SYT7: variants seen among roughly 807,000 people sequenced by gnomAD.
SYT7 encodes the protein synaptotagmin 7.
In SYT7, 29 loss-of-function variants were observed where a neutral mutation model predicts 75.1. That is an observed-to-expected ratio of 0.39 (90% CI 0.29 to 0.53). The LOEUF (loss-of-function observed/expected upper bound fraction) is 0.53, where lower values mean the gene tolerates loss of function less well. SYT7 is among the 20% of genes least tolerant of loss of function. The probability of loss-of-function intolerance (pLI) is 0.77; values close to 1 mark genes in which losing one functional copy is unlikely to be tolerated. For missense variants in SYT7, 693 were observed against 953.2 expected (o/e 0.73, Z 3.59); for synonymous variants, 376 against 401.7 (o/e 0.94, Z 0.76).
chr11:61,535,312 C>A (rs997160739), intron 7 of SYT7, among the ~76,000 whole-genome samples: 1 of 152,218 alleles, frequency 6.6e-6, no homozygotes, highest in Non-Finnish European at 1.5e-5. Context: ...GGGGGACACA[C>A]ACCGTGACAG....
At chr11:61,548,638 G>C (rs1365353391) in intron 3 of SYT7, among the ~76,000 whole-genome samples, 2 of 152,110 alleles carry the variant, frequency 1.3e-5, no homozygotes, top group Non-Finnish European at 2.9e-5. Flanking sequence ...AGCCAAGGTG[G>C]GGCAGTGTGG....
chr11:61,563,022 A>T (rs1183892913), intron 1 of SYT7, among the ~76,000 whole-genome samples: 1 of 152,100 alleles, frequency 6.6e-6, no homozygotes, highest in East Asian at 1.9e-4. Flanking sequence ...GCACATGCAC[A>T]CAGGCCACAG....
chr11:61,546,687 G>A lies in SYT7; in HGVS notation c.348-432C>T, dbSNP rs1458212570. On this transcript the variant is annotated intron_variant, in intron 4 of 12. Transcript: ENST00000539008. This position sits in a 1 kb window ranked among gnomAD's most constrained non-coding sequence, Gnocchi z 7.6. The stretch of plus-strand genomic sequence containing the variant: ...GTCCAGGCCAGGAGGCCCCAAGGCA[G>A]GGAGAAAGAGAAAGCCGTGTTAGTC... The A allele has an allele frequency of 2.2e-6, 1 of 460,136 alleles. No homozygotes were observed. 28.5% of individuals were successfully genotyped at this position (460,136 alleles called of 1,614,324 possible). A position where few individuals can be genotyped will look rare whatever the true frequency, so the allele number is the denominator to read the frequency against.
At chr11:61,534,014 T>C (rs1443752503) in intron 7 of SYT7, among the ~76,000 whole-genome samples, 1 of 151,460 alleles carries the variant, frequency 6.6e-6, no homozygotes, top group Non-Finnish European at 1.5e-5. Context: ...TTTGACCCAA[T>C]GGCTGGGTGG....
At chr11:61,531,050 T>C in intron 8 of SYT7, 1 of 985,414 alleles carries the variant, frequency 1.0e-6, no homozygotes. Context: ...CAGCTCTGGG[T>C]GCTTAACTCT....
rs748347825 is a variant in SYT7, at chr11:61,551,371, G to A, written c.215+13C>T. On this transcript the variant is annotated intron_variant, in intron 3 of 12. Transcript: ENST00000539008. The surrounding 1 kb of genome is among the most constrained non-coding windows in gnomAD (Gnocchi z 5.3). ...TGTGTGGCCCCATCCCAAACTAGCA[G>A]CCTGGCACCTACTTGATAGCCTTCT... 3 of 1,613,434 alleles carry A rather than the reference G, an allele frequency of 1.9e-6. No homozygotes were observed. Among genetic ancestry groups the A allele is most frequent in the East Asian group, 2.2e-5 (1 of 44,872 alleles).
At position 61,566,341 on chromosome 11, in the gene SYT7, T is replaced by C. The variant is rs185266150; in HGVS notation, c.32-10134A>G. On this transcript the variant is annotated intron_variant, in intron 1 of 12. Transcript: ENST00000539008. The stretch of plus-strand genomic sequence containing the variant: ...CCACAATTCCTGGCCTAGGGAGGCC[T>C]GGTGCATCTGGCTTCAGTATTCAGC... Among the ~76,000 whole-genome samples, 5 of 152,296 alleles carry C rather than the reference T, an allele frequency of 3.3e-5. No homozygotes were observed. In the East Asian group the frequency reaches 9.6e-4, roughly 29 times the overall value.
intron 8 of SYT7, among the ~76,000 whole-genome samples, chr11:61,531,891 CAAAAAA>C (rs58242073): frequency 2.0e-5 from 1 of 49,412 alleles, no homozygotes; most frequent in Non-Finnish European, 5.0e-5. Context: ...GATTCTGTCT[CAAAAAA>C]AAAAAAAAAA....
intron 5 of SYT7, among the ~76,000 whole-genome samples, chr11:61,543,354 CAGTTCTAACAGA>C (rs2063101338): frequency 6.6e-6 from 1 of 152,246 alleles, no homozygotes; most frequent in South Asian, 2.1e-4. Flanking sequence ...CACTTCACCG[CAGTTCTAACAGA>C]GAACAGGGTG....
intron 3 of SYT7, among the ~76,000 whole-genome samples, chr11:61,549,677 T>C (rs1341477447): frequency 6.6e-6 from 1 of 152,174 alleles, no homozygotes; most frequent in Non-Finnish European, 1.5e-5. Context: ...GTGGCTTCTG[T>C]CCCTCGGGGC....
intron 7 of SYT7, chr11:61,533,760 G>A (rs2062782186): frequency 1.3e-6 from 1 of 772,096 alleles, no homozygotes; most frequent in Admixed American, 6.2e-5. Flanking sequence ...TTGAGCATTT[G>A]CAATGTGGCC....
rs1317891365 is a variant in SYT7, at chr11:61,518,448, G to A, written c.*179C>T. 8 of 463,712 alleles carry A rather than the reference G, an allele frequency of 1.7e-5. No individual in the cohort carries two copies. Among genetic ancestry groups the A allele is most frequent in the Non-Finnish European group, 3.1e-5 (8 of 260,836 alleles). The allele number at this position is 463,712 out of a possible 1,614,324, so 28.7% of individuals were successfully genotyped here. On this transcript the variant is annotated 3_prime_UTR_variant, in exon 13 of 13. Transcript: ENST00000539008. The stretch of plus-strand genomic sequence containing the variant: ...CCTTCCCCGGAGCTGGACTGTGGGG[G>A]ATGGGGCTGGTACTTCCTAGAAACG...
chr11:61,519,946 G>C (rs1226710215), intron 12 of SYT7, among the ~76,000 whole-genome samples: 2 of 152,054 alleles, frequency 1.3e-5, no homozygotes, highest in African/African-American at 4.8e-5. Flanking sequence ...TCAGCCTCCC[G>C]AGTAGCTGGG....
At chr11:61,585,944 A>G (rs545703401), upstream of SYT7, among the ~76,000 whole-genome samples, 1 of 152,160 alleles carries the variant, frequency 6.6e-6, no homozygotes, top group Non-Finnish European at 1.5e-5. Context: ...CTCCACACAA[A>G]GATGTGAGAA....
chr11:61,542,592 G>A lies in SYT7; in HGVS notation c.573-13C>T, dbSNP rs1309263959. 7.4e-6 allele frequency: 11 copies of A among 1,478,602 alleles called. No individual in the cohort carries two copies. The highest frequency in any genetic ancestry group is 2.6e-5 in the East Asian group (1 of 38,738). The allele number at this position is 1,478,602 out of a possible 1,614,324, so 91.6% of individuals were successfully genotyped here. ...GGAGTCCTCGAAACTTGGGGCAGGT[G>A]GAGGAGAGGAGAGAAAGGAGAAGCA... is the stretch of plus-strand genomic sequence containing the variant. On this transcript the variant is annotated splice_polypyrimidine_tract_variant and intron_variant, in intron 5 of 12. Coordinates refer to ENST00000539008, the MANE Select transcript of SYT7 (RefSeq NM_001365809.2). This position sits in a 1 kb window ranked among gnomAD's most constrained non-coding sequence, Gnocchi z 7.8.
Position 61,551,517 on chromosome 11 carries a change from C to T in SYT7, c.136-54G>A. On this transcript the variant is annotated intron_variant, in intron 2 of 12. Coordinates refer to ENST00000539008, the MANE Select transcript of SYT7 (RefSeq NM_001365809.2). This position sits in a 1 kb window ranked among gnomAD's most constrained non-coding sequence, Gnocchi z 5.3. Reference sequence around the variant, plus strand: ...GGGGAACAGGACTGTACCCTCCCTACCTCCCCAGAACAGGGACCCGGAGGG... The same window carrying T: ...GGGGAACAGGACTGTACCCTCCCTATCTCCCCAGAACAGGGACCCGGAGGG... 3 of 1,568,192 alleles carry T rather than the reference C, an allele frequency of 1.9e-6. No individual in the cohort carries two copies. The highest frequency in any genetic ancestry group is 2.6e-6 in the Non-Finnish European group (3 of 1,141,712).
intron 2 of SYT7, among the ~76,000 whole-genome samples, chr11:61,554,645 G>C (rs895707113): frequency 6.6e-6 from 1 of 152,100 alleles, no homozygotes; most frequent in Non-Finnish European, 1.5e-5. Flanking sequence ...CGGGCTGCAG[G>C]TACGCTCAGC....
At chr11:61,538,382 A>C (rs1013286628) in intron 6 of SYT7, 116 bp from the exon 7 acceptor site, 1 of 846,538 alleles carries the variant, frequency 1.2e-6, no homozygotes. Flanking sequence ...AGAGAGAGAG[A>C]GAGAGAAAGA....
intron 8 of SYT7, chr11:61,531,008 A>T: frequency 1.0e-6 from 1 of 985,424 alleles, no homozygotes; most frequent in Non-Finnish European, 1.2e-6. Flanking sequence ...GCCTCTTCTC[A>T]GACACCTCTG....
Sources: allele counts gnomAD v4.1 joint callset (sites outside exome capture counted in the v4.1 genomes callset), GRCh38; gene constraint gnomAD v4.1.1; non-coding constraint Gnocchi (gnomAD v3.1); transcripts MANE v1.5; gene names NCBI Gene and HGNC (gene_info 2026-07-23, HGNC 2026-07-21).